Variants in TECRL observed in about 807,000 individuals in gnomAD.
TECRL encodes the protein trans-2,3-enoyl-CoA reductase-like.
TECRL carries 63 observed loss-of-function variants against 52.8 expected under a neutral mutation model. The ratio of observed to expected loss-of-function variants is 1.19; its 90% confidence interval spans 0.97 to 1.47. The LOEUF (loss-of-function observed/expected upper bound fraction) is 1.47. Ranked by LOEUF, TECRL falls within the 40% of genes most tolerant of loss-of-function variation. The pLI is 0.00. For missense variants in TECRL, 482 were observed against 429.6 expected, an observed-to-expected ratio of 1.12 and a Z score of -1.08; for synonymous variants, 164 against 141.9, an observed-to-expected ratio of 1.16 and a Z score of -1.10.
Position 64,281,560 on chromosome 4 carries a change from CT to C in TECRL, c.833-2del. 2 of 1,576,434 alleles carry C rather than the reference CT, an allele frequency of 1.3e-6. No individual in the cohort carries two copies. The highest frequency in any genetic ancestry group is 8.7e-7 in the Non-Finnish European group (1 of 1,154,280). Reference sequence around the variant, plus strand: ...GGACTTGGGAAACAGGCATTGTTTCCTTTTTCAAAGGAAAGTAAAATGTCAA... The same window carrying C: ...GGACTTGGGAAACAGGCATTGTTTCCTTTTCAAAGGAAAGTAAAATGTCAA... On this transcript the variant is annotated splice_acceptor_variant, in intron 9 of 11. Transcript: ENST00000381210. LOFTEE classifies it high-confidence loss of function.
chr4:64,297,508 C>T (rs2109967074), intron 8 of TECRL, among the ~76,000 whole-genome samples: 1 of 151,008 alleles, frequency 6.6e-6, no homozygotes, highest in East Asian at 1.9e-4. Context: ...TAAGATCGAT[C>T]CATTAATTTC....
intron 1 of TECRL, among the ~76,000 whole-genome samples, chr4:64,376,677 T>A (rs10517894): frequency 6.6e-6 from 1 of 151,772 alleles, no homozygotes; most frequent in Non-Finnish European, 1.5e-5. Flanking sequence ...GTCCATTAGT[T>A]GTATCAAGGG....
chr4:64,281,142 C>T, intron 10 of TECRL, 56 bp from the exon 11 acceptor site: 2 of 1,415,074 alleles, frequency 1.4e-6, no homozygotes, highest in East Asian at 2.3e-5. Context: ...GTAATTTGTT[C>T]ATTTGTGGCT....
At chr4:64,405,078 G>T (rs1031770867) in intron 1 of TECRL, among the ~76,000 whole-genome samples, 14 of 151,936 alleles carry the variant, frequency 9.2e-5, no homozygotes, top group African/African-American at 3.4e-4. Context: ...ACTAAAGAAA[G>T]AAAAATAAAT....
intron 3 of TECRL, among the ~76,000 whole-genome samples, chr4:64,326,764 C>A (rs945983455): frequency 6.6e-6 from 1 of 152,084 alleles, no homozygotes; most frequent in Non-Finnish European, 1.5e-5. Flanking sequence ...AGCTAAAGAA[C>A]TGGTTAAAAT....
intron 6 of TECRL, among the ~76,000 whole-genome samples, chr4:64,306,541 C>G (rs1350473313): frequency 4.6e-5 from 7 of 152,066 alleles, no homozygotes; most frequent in Admixed American, 4.6e-4. Flanking sequence ...TTTTTGCAAC[C>G]AGGAGAGATA....
chr4:64,313,443 A>G (rs950441068), intron 5 of TECRL, among the ~76,000 whole-genome samples: 2 of 148,118 alleles, frequency 1.4e-5, no homozygotes, highest in African/African-American at 2.5e-5. Flanking sequence ...AAACACCACA[A>G]TTATATAGAA....
chr4:64,345,623 C>T (rs1719899772), intron 2 of TECRL, among the ~76,000 whole-genome samples: 1 of 151,006 alleles, frequency 6.6e-6, no homozygotes, highest in Admixed American at 6.6e-5. Flanking sequence ...ATAGGTGCAG[C>T]ACACCAACAT....
intron 2 of TECRL, among the ~76,000 whole-genome samples, chr4:64,336,800 C>T (rs1220373070): frequency 1.3e-5 from 2 of 152,132 alleles, no homozygotes; most frequent in African/African-American, 2.4e-5. Context: ...TGTTCAGTTT[C>T]CATATAGTTG....
chr4:64,377,952 C>T (rs1254157900), intron 1 of TECRL, among the ~76,000 whole-genome samples: 2 of 152,004 alleles, frequency 1.3e-5, no homozygotes, highest in African/African-American at 4.8e-5. Context: ...AAAACAGCAA[C>T]CACTTGACAT....
chr4:64,340,580 T>C (rs1053881083), intron 2 of TECRL, among the ~76,000 whole-genome samples: 2 of 152,196 alleles, frequency 1.3e-5, no homozygotes, highest in Non-Finnish European at 2.9e-5. Context: ...CTTTGGGCAC[T>C]GACAAGCAAG....
At chr4:64,300,129 C>T in intron 7 of TECRL, 112 bp from the exon 8 acceptor site, 1 of 704,706 alleles carries the variant, frequency 1.4e-6, no homozygotes, top group Non-Finnish European at 2.2e-6. Context: ...ATCAATAGAA[C>T]TGTCTAGTAT....
At chr4:64,286,775 C>T (rs531393399) in intron 9 of TECRL, among the ~76,000 whole-genome samples, 1 of 152,100 alleles carries the variant, frequency 6.6e-6, no homozygotes, top group South Asian at 2.1e-4. Flanking sequence ...AAGAGGGGGG[C>T]CTTCTTACAT....
At chr4:64,395,129 A>T (rs979381592) in intron 1 of TECRL, among the ~76,000 whole-genome samples, 2 of 151,896 alleles carry the variant, frequency 1.3e-5, no homozygotes, top group African/African-American at 4.8e-5. Context: ...TATGTTGGCC[A>T]GGCTGGTCTC....
chr4:64,381,057 G>A (rs1365523485), intron 1 of TECRL, among the ~76,000 whole-genome samples: 1 of 151,958 alleles, frequency 6.6e-6, no homozygotes, highest in African/African-American at 2.4e-5. Flanking sequence ...ATTTGTTTGT[G>A]TCCTCTTCAA....
intron 8 of TECRL, among the ~76,000 whole-genome samples, chr4:64,292,395 T>C (rs1271535452): frequency 6.6e-6 from 1 of 152,004 alleles, no homozygotes; most frequent in African/African-American, 2.4e-5. Flanking sequence ...GTATTACCTA[T>C]GTGTGTCCCT....
chr4:64,380,378 T>A (rs1167608511), intron 1 of TECRL, among the ~76,000 whole-genome samples: 5 of 152,112 alleles, frequency 3.3e-5, no homozygotes, highest in Admixed American at 3.3e-4. Context: ...CACTCTGTTA[T>A]TTCCTGTGTT....
At chr4:64,327,910 G>GA (rs1244550442) in intron 3 of TECRL, among the ~76,000 whole-genome samples, 5 of 151,756 alleles carry the variant, frequency 3.3e-5, no homozygotes, top group African/African-American at 1.2e-4. Flanking sequence ...ATTCTATCCT[G>GA]AAAAAAAGTA....
chr4:64,327,296 A>G (rs1718330756), intron 3 of TECRL, among the ~76,000 whole-genome samples: 1 of 152,080 alleles, frequency 6.6e-6, no homozygotes, highest in African/African-American at 2.4e-5. Context: ...TCAACTAGGT[A>G]AATAAATTTG....
Sources: gnomAD v4.1 joint callset for allele counts (sites outside exome capture counted in the v4.1 genomes callset) on GRCh38, gnomAD v4.1.1 for gene constraint, MANE v1.5 for transcripts, NCBI Gene and HGNC (gene_info 2026-07-23, HGNC 2026-07-21) for gene names.